Variants in ZDHHC3 observed in about 807,000 individuals in gnomAD.
The protein encoded by ZDHHC3 is palmitoyltransferase ZDHHC3.
Under a neutral mutation model 30.6 loss-of-function variants are expected in ZDHHC3, and 9 were observed. The observed-to-expected ratio is 0.29, with a 90% CI of 0.18 to 0.51. The LOEUF (loss-of-function observed/expected upper bound fraction) is 0.51. ZDHHC3 is among the 20% of genes least tolerant of loss of function. The probability of loss-of-function intolerance (pLI) is 0.97; values close to 1 mark genes in which losing one functional copy is unlikely to be tolerated. For missense variants in ZDHHC3, 246 were observed against 384.2 expected (o/e 0.64, Z 3.01); for synonymous variants, 136 against 140.2 (o/e 0.97, Z 0.21).
chr3:44,920,441 T>A lies in ZDHHC3; in HGVS notation c.*6248A>T. On this transcript the variant is annotated 3_prime_UTR_variant, in exon 7 of 7. Transcript: ENST00000424952. ...ACCCAAAAATGACAGACTGGCTGCA[T>A]CCACACTGACTTGGACTCAAAGCCA... The A allele has an allele frequency of 8.0e-7, 1 of 1,254,568 alleles. No individual in the cohort carries two copies. Among genetic ancestry groups the A allele is most frequent in the South Asian group, 1.3e-5 (1 of 75,728 alleles). The allele number at this position is 1,254,568 out of a possible 1,614,324, so 77.7% of individuals were successfully genotyped here. A position where few individuals can be genotyped will look rare whatever the true frequency, so the allele number is the denominator to read the frequency against.
intron 1 of ZDHHC3, among the ~76,000 whole-genome samples, chr3:44,963,103 G>A (rs527804365): frequency 6.6e-6 from 1 of 152,362 alleles, no homozygotes; most frequent in Non-Finnish European, 1.5e-5. Context: ...TTTCAGGACT[G>A]TGACCATATT....
Position 44,919,112 on chromosome 3 carries a change from A to T in ZDHHC3, c.*7577T>A, listed in dbSNP as rs1256854948. On this transcript the variant is annotated 3_prime_UTR_variant, in exon 7 of 7. Coordinates refer to ENST00000424952, the MANE Select transcript of ZDHHC3 (RefSeq NM_001135179.2). ...TTGACTTTTGAATAAATTCTAAGTTAAAAAAATTGGATCTCAAAAGTATAT... is the reference window on the plus strand; with the variant it reads ...TTGACTTTTGAATAAATTCTAAGTTTAAAAAATTGGATCTCAAAAGTATAT... The T allele has an allele frequency of 2.0e-6, 2 of 984,546 alleles. No individual in the cohort carries two copies. Among genetic ancestry groups the T allele is most frequent in the Non-Finnish European group, 2.4e-6 (2 of 829,256 alleles). 61.0% of individuals were successfully genotyped at this position (984,546 alleles called of 1,614,324 possible).
chr3:44,934,135 G>A, intron 3 of ZDHHC3, 151 bp from the exon 4 acceptor site: 1 of 738,290 alleles, frequency 1.4e-6, no homozygotes, highest in Non-Finnish European at 2.3e-6. Flanking sequence ...GTCACGTGGG[G>A]CTTGGGAGGC....
Position 44,920,211 on chromosome 3 carries a change from A to T in ZDHHC3, c.*6478T>A, listed in dbSNP as rs748919587. On this transcript the variant is annotated 3_prime_UTR_variant, in exon 7 of 7. Coordinates refer to ENST00000424952, the MANE Select transcript of ZDHHC3 (RefSeq NM_001135179.2). ...AGGGACCTTCATGTGGGTCATGAGC[A>T]TGTGATGCCATGCTGCTTCCTGACT... 7.0e-6 allele frequency: 9 copies of T among 1,290,004 alleles called. No homozygotes were observed. The highest frequency in any genetic ancestry group is 5.5e-5 in the East Asian group (1 of 18,030). The allele number at this position is 1,290,004 out of a possible 1,614,324, so 79.9% of individuals were successfully genotyped here. A position where few individuals can be genotyped will look rare whatever the true frequency, so the allele number is the denominator to read the frequency against.
intron 1 of ZDHHC3, among the ~76,000 whole-genome samples, chr3:44,962,957 C>T (rs747199239): frequency 2.0e-5 from 3 of 152,228 alleles, no homozygotes; most frequent in Non-Finnish European, 2.9e-5. Context: ...CTAAGCTCTT[C>T]ACCATATAGT....
chr3:44,933,378 T>C, intron 4 of ZDHHC3, 179 bp from the exon 5 acceptor site: 1 of 623,674 alleles, frequency 1.6e-6, no homozygotes, highest in Non-Finnish European at 2.8e-6. Context: ...CCACCAGCCC[T>C]GGGTCAAGTG....
chr3:44,927,268 G>A (rs976114852), intron 6 of ZDHHC3, among the ~76,000 whole-genome samples: 15 of 152,178 alleles, frequency 9.9e-5, no homozygotes, highest in African/African-American at 3.1e-4. Context: ...TGGGGAGCTC[G>A]CAATCATCAT....
chr3:44,927,796 G>A (rs1701126805), intron 6 of ZDHHC3, among the ~76,000 whole-genome samples: 1 of 152,252 alleles, frequency 6.6e-6, no homozygotes, highest in African/African-American at 2.4e-5. Context: ...CCTGGCAGAA[G>A]CCTGGCCAGG....
intron 3 of ZDHHC3, among the ~76,000 whole-genome samples, chr3:44,936,503 G>T (rs1701973922): frequency 1.3e-5 from 2 of 152,154 alleles, no homozygotes; most frequent in African/African-American, 4.8e-5. Context: ...TCCCATTACT[G>T]GATACATACC....
chr3:44,975,282 A>T (rs895614634), intron 1 of ZDHHC3: 5 of 152,130 alleles, frequency 3.3e-5, no homozygotes, highest in Non-Finnish European at 7.3e-5. Context: ...TCCAATGCCC[A>T]TACTCCCACT....
rs553536838 is a variant in ZDHHC3 at position 44,952,003 on chromosome 3, A to C, written c.307-6711T>G. Among the ~76,000 whole-genome samples the C allele has an allele frequency of 3.6e-4, 55 of 152,218 alleles. 1 individual carries two copies. Among genetic ancestry groups the C allele is most frequent in the Middle Eastern group, 3.4e-3 (1 of 294 alleles). ...CTGCACTCTCTCCTGAACAATCTTC[A>C]ACTCTACTTCCACCATCACTCGGTG... On this transcript the variant is annotated intron_variant, in intron 2 of 6. Transcript: ENST00000424952.
chr3:44,950,593 C>T (rs1703359203), intron 2 of ZDHHC3, among the ~76,000 whole-genome samples: 2 of 152,234 alleles, frequency 1.3e-5, no homozygotes, highest in African/African-American at 4.8e-5. Flanking sequence ...CAGGGCCCCA[C>T]CCATCCAACC....
In ZDHHC3 at chr3:44,923,634, T is replaced by G. The variant is rs1055379613; in HGVS notation, c.*3055A>C. The G allele has an allele frequency of 6.8e-6, 6 of 877,338 alleles. No individual in the cohort carries two copies. Among genetic ancestry groups the G allele is most frequent in the Non-Finnish European group, 8.2e-6 (6 of 731,722 alleles). 54.3% of individuals were successfully genotyped at this position (877,338 alleles called of 1,614,324 possible). ...TAGGGCAACACAGTGAGACCCTGAC[T>G]CTATTAAAAAACAAAAAAATTAGCC... On this transcript the variant is annotated 3_prime_UTR_variant, in exon 7 of 7. Transcript: ENST00000424952.
Position 44,923,594 on chromosome 3 carries a change from G to T in ZDHHC3, c.*3095C>A. ...AGGCAGGAAAATTGCTGGAGGCCGG[G>T]CATTTGAGACTAGCTAGGGCAACAC... On this transcript the variant is annotated 3_prime_UTR_variant, in exon 7 of 7. Transcript: ENST00000424952. 1.0e-6 allele frequency: 1 copy of T among 964,568 alleles called. No individual in the cohort carries two copies. Among genetic ancestry groups the T allele is most frequent in the African/African-American group, 1.8e-5 (1 of 56,868 alleles). The allele number at this position is 964,568 out of a possible 1,614,324, so 59.8% of individuals were successfully genotyped here. A position where few individuals can be genotyped will look rare whatever the true frequency, so the allele number is the denominator to read the frequency against.
Position 44,928,948 on chromosome 3 carries a change from G to C in ZDHHC3, c.741+358C>G, listed in dbSNP as rs541697002. Among the ~76,000 whole-genome samples the C allele has an allele frequency of 6.4e-4, 98 of 152,314 alleles. No individual in the cohort carries two copies. The Middle Eastern group carries it at 0.024, about 37-fold the overall frequency. On this transcript the variant is annotated intron_variant, in intron 6 of 6. Coordinates refer to ENST00000424952, the MANE Select transcript of ZDHHC3 (RefSeq NM_001135179.2). Reference sequence around the variant, plus strand: ...CACCCTGTCAACCACTCTATTTCAAGCCTGTGGCCCCCAGATGGGAAGGGT... The same window carrying C: ...CACCCTGTCAACCACTCTATTTCAACCCTGTGGCCCCCAGATGGGAAGGGT...
At chr3:44,960,175 G>A (rs1290322833) in intron 1 of ZDHHC3, among the ~76,000 whole-genome samples, 1 of 152,214 alleles carries the variant, frequency 6.6e-6, no homozygotes, top group Non-Finnish European at 1.5e-5. Flanking sequence ...AAAAGGCAAG[G>A]AGAGGCAGAG....
Position 44,918,380 on chromosome 3 carries a change from C to G in ZDHHC3, c.*8309G>C, listed in dbSNP as rs1700352019. Reference sequence around the variant, plus strand: ...CGTGGAGGAACACAGCAAGCAGGGCCCGCCTGGTGGACTGACGTGTTCTCC... The same window carrying G: ...CGTGGAGGAACACAGCAAGCAGGGCGCGCCTGGTGGACTGACGTGTTCTCC... On this transcript the variant is annotated 3_prime_UTR_variant, in exon 7 of 7. Transcript: ENST00000424952. 1 of 985,190 alleles carries G rather than the reference C, an allele frequency of 1.0e-6. No homozygotes were observed. The highest frequency in any genetic ancestry group is 4.7e-5 in the South Asian group (1 of 21,286). The allele number at this position is 985,190 out of a possible 1,614,324, so 61.0% of individuals were successfully genotyped here. A position where few individuals can be genotyped will look rare whatever the true frequency, so the allele number is the denominator to read the frequency against.
At chr3:44,929,805 A>G (rs1701333911) in intron 5 of ZDHHC3, among the ~76,000 whole-genome samples, 1 of 152,214 alleles carries the variant, frequency 6.6e-6, no homozygotes, top group African/African-American at 2.4e-5. Flanking sequence ...CTCTCCTCAG[A>G]GAGCACAATG....
chr3:44,918,526 A>T lies in ZDHHC3; in HGVS notation c.*8163T>A. The T allele has an allele frequency of 1.0e-6, 1 of 985,416 alleles. No individual in the cohort carries two copies. Among genetic ancestry groups the T allele is most frequent in the Non-Finnish European group, 1.2e-6 (1 of 829,922 alleles). The allele number at this position is 985,416 out of a possible 1,614,324, so 61.0% of individuals were successfully genotyped here. A position where few individuals can be genotyped will look rare whatever the true frequency, so the allele number is the denominator to read the frequency against. On this transcript the variant is annotated 3_prime_UTR_variant, in exon 7 of 7. Coordinates refer to ENST00000424952, the MANE Select transcript of ZDHHC3 (RefSeq NM_001135179.2). ...ACCACACATCCTCTGAGGCCACTAC[A>T]AACTGGTGATCCCCTCCTAAATATT...
Sources: allele counts gnomAD v4.1 joint callset (sites outside exome capture counted in the v4.1 genomes callset), GRCh38; gene constraint gnomAD v4.1.1; transcripts MANE v1.5; gene names NCBI Gene and HGNC (gene_info 2026-07-23, HGNC 2026-07-21).